The following PXDNL variants were observed in gnomAD, a reference collection of about 807,000 sequenced individuals.
PXDNL encodes the protein peroxidasin like.
Under a neutral mutation model 150.8 loss-of-function variants are expected in PXDNL, and 145 were observed. The ratio of observed to expected loss-of-function variants is 0.96; its 90% confidence interval spans 0.84 to 1.10. The LOEUF (loss-of-function observed/expected upper bound fraction) is 1.10. PXDNL is among the 50% of genes least tolerant of loss of function. The probability of loss-of-function intolerance (pLI) is 0.00; values close to 1 mark genes in which losing one functional copy is unlikely to be tolerated. For missense variants in PXDNL, 2,087 were observed against 1,873.9 expected, an observed-to-expected ratio of 1.11 and a Z score of -2.10; for synonymous variants, 757 against 725.7, an observed-to-expected ratio of 1.04 and a Z score of -0.69.
chr8:51,772,301 GCCCCACT>G (rs1241608798), intron 1 of PXDNL, among the ~76,000 whole-genome samples: 1 of 151,194 alleles, frequency 6.6e-6, no homozygotes, highest in Admixed American at 6.6e-5. Flanking sequence ...CTCCTTGCAT[GCCCCACT>G]CTCTCTTTTC....
At chr8:51,680,170 C>G (rs1815710671) in intron 1 of PXDNL, among the ~76,000 whole-genome samples, 1 of 152,202 alleles carries the variant, frequency 6.6e-6, no homozygotes, top group Non-Finnish European at 1.5e-5. Flanking sequence ...GTGATCTCAT[C>G]TTATCCACAA....
intron 2 of PXDNL, among the ~76,000 whole-genome samples, chr8:51,647,624 G>T (rs796561292): frequency 2.6e-5 from 4 of 152,310 alleles, no homozygotes; most frequent in African/African-American, 9.6e-5. Context: ...ATTATGGAGT[G>T]GCTAGGAGCA....
intron 1 of PXDNL, among the ~76,000 whole-genome samples, chr8:51,720,538 A>G (rs1269023033): frequency 6.6e-6 from 1 of 152,188 alleles, no homozygotes; most frequent in Non-Finnish European, 1.5e-5. Flanking sequence ...TATTTTTATT[A>G]ACCAAAATTT....
intron 1 of PXDNL, among the ~76,000 whole-genome samples, chr8:51,740,552 C>A (rs111651014): frequency 6.6e-6 from 1 of 151,910 alleles, no homozygotes; most frequent in Non-Finnish European, 1.5e-5. Context: ...TATCTCATTG[C>A]GGTTTAGATT....
chr8:51,800,435 C>G (rs1012015086), intron 1 of PXDNL, among the ~76,000 whole-genome samples: 1 of 152,126 alleles, frequency 6.6e-6, no homozygotes, highest in East Asian at 1.9e-4. Context: ...TGTCACGCAG[C>G]CTGGGAGTAA....
intron 1 of PXDNL, among the ~76,000 whole-genome samples, chr8:51,660,796 A>G (rs16916673): frequency 0.66 from 100,891 of 151,988 alleles, 34,010 homozygotes; most frequent in Non-Finnish European, 0.72. Flanking sequence ...TTTATTGGGA[A>G]ACATGCACTC....
Position 51,409,330 on chromosome 8 carries a change from C to A in PXDNL, c.2294G>T (p.Arg765Leu). The A allele has an allele frequency of 6.9e-7, 1 of 1,445,296 alleles. No individual in the cohort carries two copies. The highest frequency in any genetic ancestry group is 1.5e-5 in the South Asian group (1 of 68,598). The allele number at this position is 1,445,296 out of a possible 1,614,324, so 89.5% of individuals were successfully genotyped here. The change falls in exon 17 of 23, where the codon CGC (arginine) becomes CTC (leucine). Residue 765 changes from arginine (R) to leucine (L), a missense_variant. Arg to Leu is a moderately radical substitution (Grantham distance 102, BLOSUM62 -2). Transcript: ENST00000356297. ...PAYRDGIRAPRGLGLPVGSRQ... is the reference protein window; with the variant it reads ...PAYRDGIRAPLGLGLPVGSRQ... ...GGAGCCCACAGGAAGGCCGAGCCCG[C>A]GGGGCGCGCGGATGCCGTCCCGGTA...
Position 51,676,577 on chromosome 8 carries a change from G to A in PXDNL, c.165-21817C>T, listed in dbSNP as rs559694385. ...CAGGCGTGAGCCACCATGCCTGGCCGGACTCATCTTTGACCACCAGTCCTC... is the reference window on the plus strand; with the variant it reads ...CAGGCGTGAGCCACCATGCCTGGCCAGACTCATCTTTGACCACCAGTCCTC... On this transcript the variant is annotated intron_variant, in intron 1 of 22. Coordinates refer to ENST00000356297, the MANE Select transcript of PXDNL (RefSeq NM_144651.5). Among the ~76,000 whole-genome samples, 23 of 150,876 alleles carry A rather than the reference G, an allele frequency of 1.5e-4. No homozygotes were observed. The South Asian group carries it at 2.5e-3, about 16-fold the overall frequency.
rs1812202053 is a variant in PXDNL at position 51,540,941 on chromosome 8, A to T, written c.380+15899T>A. 2.0e-5 allele frequency among the ~76,000 whole-genome samples: 3 copies of T among 150,460 alleles called. No homozygotes were observed. In the South Asian group the frequency reaches 6.3e-4, roughly 31 times the overall value. On this transcript the variant is annotated intron_variant, in intron 4 of 22. Coordinates refer to ENST00000356297, the MANE Select transcript of PXDNL (RefSeq NM_144651.5). The stretch of plus-strand genomic sequence containing the variant: ...GTGATTTTTAGTTTCTTGGGTGCAG[A>T]TGTTGTTATTTTTTTTTTCAAGAAT...
At chr8:51,522,369 C>T (rs573264714) in intron 4 of PXDNL, among the ~76,000 whole-genome samples, 2 of 152,218 alleles carry the variant, frequency 1.3e-5, no homozygotes, top group East Asian at 1.9e-4. Context: ...ATGAAATGAG[C>T]ATGGGTCTAA....
chr8:51,734,018 A>T (rs1816986706), intron 1 of PXDNL, among the ~76,000 whole-genome samples: 1 of 151,968 alleles, frequency 6.6e-6, no homozygotes, highest in South Asian at 2.1e-4. Context: ...TCTAGACATC[A>T]TTGACTTAGA....
At chr8:51,633,349 A>G (rs1814531649) in intron 2 of PXDNL, among the ~76,000 whole-genome samples, 1 of 152,154 alleles carries the variant, frequency 6.6e-6, no homozygotes, top group Non-Finnish European at 1.5e-5. Context: ...AGAGTGCTAT[A>G]ATGAACATAT....
At chr8:51,660,879 G>A (rs1181713907) in intron 1 of PXDNL, among the ~76,000 whole-genome samples, 5 of 152,058 alleles carry the variant, frequency 3.3e-5, no homozygotes, top group South Asian at 2.1e-4. Context: ...TAGCCAGGCC[G>A]TCAGTCACTC....
rs906734793 is a variant in PXDNL at position 51,697,658 on chromosome 8, G to T, written c.165-42898C>A. On this transcript the variant is annotated intron_variant, in intron 1 of 22. Transcript: ENST00000356297. ...GATTAAAAGTAGCTTAGAGACAGGG[G>T]TGATGCAGGTCCCTAGAGCATCCCT... 1.2e-4 allele frequency among the ~76,000 whole-genome samples: 19 copies of T among 152,158 alleles called. 1 individual carries two copies. Among genetic ancestry groups the T allele is most frequent in the Admixed American group, 1.1e-3 (17 of 15,284 alleles).
At chr8:51,634,349 T>C (rs761330328) in intron 2 of PXDNL, among the ~76,000 whole-genome samples, 4 of 152,186 alleles carry the variant, frequency 2.6e-5, no homozygotes, top group Non-Finnish European at 5.9e-5. Context: ...ATGTCTGTTT[T>C]TGAATCAGTA....
chr8:51,695,464 G>A (rs115511209), intron 1 of PXDNL, among the ~76,000 whole-genome samples: 1 of 151,962 alleles, frequency 6.6e-6, no homozygotes, highest in South Asian at 2.1e-4. Flanking sequence ...GTAAATTCCA[G>A]TGCTACAACA....
At chr8:51,362,430 T>A (rs1806782846) in intron 19 of PXDNL, among the ~76,000 whole-genome samples, 1 of 152,238 alleles carries the variant, frequency 6.6e-6, no homozygotes, top group Non-Finnish European at 1.5e-5. Flanking sequence ...TAAAAAAACC[T>A]ACATTTATAA....
chr8:51,553,623 C>A (rs1417701183), intron 4 of PXDNL, among the ~76,000 whole-genome samples: 1 of 151,558 alleles, frequency 6.6e-6, no homozygotes, highest in Non-Finnish European at 1.5e-5. Flanking sequence ...ATTGTGAGCT[C>A]CTTTATTACA....
In PXDNL at chr8:51,449,104, T is replaced by C; in HGVS notation, c.1264A>G (p.Thr422Ala). ...NIIVQAPPQF[T>A]VTPKDQVVLE... ...ACCACTTGATCCTTGGGGGTTACTG[T>C]AAATTGTGGAGGAGCTAAAGAGAAT... is the stretch of plus-strand genomic sequence containing the variant. Residue 422 changes from threonine (T) to alanine (A), a missense_variant, in exon 11 of 23, where the codon ACA becomes GCA. Transcript: ENST00000356297. 32 of 1,546,156 alleles carry C rather than the reference T, an allele frequency of 2.1e-5. No homozygotes were observed. Among genetic ancestry groups the C allele is most frequent in the Non-Finnish European group, 2.7e-5 (31 of 1,143,020 alleles).
Sources: gnomAD v4.1 joint callset for allele counts (sites outside exome capture counted in the v4.1 genomes callset) on GRCh38, gnomAD v4.1.1 for gene constraint, MANE v1.5 for transcripts, NCBI Gene and HGNC (gene_info 2026-07-23, HGNC 2026-07-21) for gene names.